The following KAZN variants were observed in gnomAD, a reference collection of about 807,000 sequenced individuals.
KAZN encodes the protein kazrin.
A neutral mutation model predicts 87.4 loss-of-function variants in KAZN; 40 were observed. The observed-to-expected ratio is 0.46, with a 90% CI of 0.36 to 0.60. KAZN has a LOEUF of 0.60. Ranked by LOEUF, KAZN falls within the 20% of genes least tolerant of loss-of-function variation. The probability of loss-of-function intolerance (pLI) is 0.00; values close to 1 mark genes in which losing one functional copy is unlikely to be tolerated. For synonymous variants in KAZN, 466 were observed against 458.3 expected (o/e 1.02, Z -0.22); for missense variants, 898 against 1,073.9 (o/e 0.84, Z 2.29).
chr1:14,514,613 A>ATTTTT, intron 2 of KAZN, among the ~76,000 whole-genome samples: 1 of 46,154 alleles, frequency 2.2e-5, no homozygotes, highest in South Asian at 6.3e-4. Context: ...ATATATATAT[A>ATTTTT]TATATATATA....
intron 2 of KAZN, among the ~76,000 whole-genome samples, chr1:14,995,868 T>G (rs1667811829): frequency 1.3e-5 from 2 of 152,134 alleles, no homozygotes; most frequent in South Asian, 4.1e-4. Flanking sequence ...TTTTCTTGAG[T>G]CTGCTTGGGG....
intron 1 of KAZN, among the ~76,000 whole-genome samples, chr1:14,797,935 C>A (rs1428514023): frequency 6.6e-6 from 1 of 152,220 alleles, no homozygotes; most frequent in African/African-American, 2.4e-5. Context: ...CACGATGTGC[C>A]AAGGAACCCT....
intron 1 of KAZN, among the ~76,000 whole-genome samples, chr1:14,883,355 A>AAAGGAAAGAAAGAAAGAAAG (rs1449958306): frequency 9.7e-5 from 2 of 20,600 alleles, no homozygotes; most frequent in African/African-American, 3.1e-4. Flanking sequence ...AGAAAGAAAG[A>AAAGGAAAGAAAGAAAGAAAG]AAAGAAAGAA....
upstream of KAZN, among the ~76,000 whole-genome samples, chr1:14,595,695 A>AG (rs1289336034): frequency 6.7e-6 from 1 of 149,112 alleles, no homozygotes; most frequent in Non-Finnish European, 1.5e-5. Context: ...AAAAAAAAAA[A>AG]AAAGAAAAAG....
In KAZN at chr1:14,637,231, G is replaced by A. The variant is rs537838181; in HGVS notation, c.226+38008G>A. 3.9e-4 allele frequency among the ~76,000 whole-genome samples: 60 copies of A among 152,174 alleles called. 2 individuals are homozygous for A. Among genetic ancestry groups the A allele is most frequent in the Non-Finnish European group, 1.3e-4 (9 of 68,032 alleles). ...GGGGTGATGTAAATGGGAATGATGG[G>A]CAGAGGCACACTGTTGACATCATGG... is the stretch of plus-strand genomic sequence containing the variant. On this transcript the variant is annotated intron_variant, in intron 1 of 14. Transcript: ENST00000376030.
intron 1 of KAZN, among the ~76,000 whole-genome samples, chr1:14,890,360 C>A (rs1156976388): frequency 6.6e-6 from 1 of 152,208 alleles, no homozygotes; most frequent in South Asian, 2.1e-4. Flanking sequence ...GAGAATGGCA[C>A]GCAGACCCAG....
chr1:15,038,276 A>T (rs995969905), intron 3 of KAZN, among the ~76,000 whole-genome samples: 7 of 152,194 alleles, frequency 4.6e-5, no homozygotes, highest in Non-Finnish European at 1.0e-4. Flanking sequence ...GAAAGAAAAA[A>T]AAAAGCAAGA....
intron 1 of KAZN, among the ~76,000 whole-genome samples, chr1:14,046,422 C>G (rs1642075793): frequency 1.8e-5 from 1 of 55,364 alleles, no homozygotes; most frequent in Non-Finnish European, 3.2e-5. Context: ...ATTACCAGAG[C>G]AAAGCAAAAC....
chr1:14,420,675 A>G (rs1023804206), intron 2 of KAZN, among the ~76,000 whole-genome samples: 1 of 152,110 alleles, frequency 6.6e-6, no homozygotes, highest in African/African-American at 2.4e-5. Context: ...GCCTGGCGAG[A>G]ATTCGAGTGC....
chr1:14,513,707 C>T lies in KAZN; in HGVS notation c.250-85276C>T, dbSNP rs187979040. Among the ~76,000 whole-genome samples, 11 of 152,134 alleles carry T rather than the reference C, an allele frequency of 7.2e-5. No homozygotes were observed. The East Asian group carries it at 1.5e-3, about 21-fold the overall frequency. On this transcript the variant is annotated intron_variant, in intron 2 of 16. Coordinates refer to the KAZN transcript ENST00000636203. Reference sequence around the variant, plus strand: ...CATAGTAAGCATTTTAAAATTGGGACCTTATTTCAACTTTACATCCTAAAA... The same window carrying T: ...CATAGTAAGCATTTTAAAATTGGGATCTTATTTCAACTTTACATCCTAAAA...
At chr1:14,765,259 T>C (rs941295055) in intron 1 of KAZN, among the ~76,000 whole-genome samples, 6 of 152,216 alleles carry the variant, frequency 3.9e-5, no homozygotes, top group African/African-American at 1.4e-4. Context: ...AAGTACCTCC[T>C]TGGAGACAAG....
chr1:14,520,560 TCCTC>T (rs1557774053), intron 2 of KAZN, among the ~76,000 whole-genome samples: 1 of 152,056 alleles, frequency 6.6e-6, no homozygotes, highest in Non-Finnish European at 1.5e-5. Context: ...CCAAGAGAGC[TCCTC>T]TGACTTCCTG....
At chr1:14,928,487 T>A (rs2101555221) in intron 1 of KAZN, among the ~76,000 whole-genome samples, 1 of 152,170 alleles carries the variant, frequency 6.6e-6, no homozygotes, top group East Asian at 1.9e-4. Flanking sequence ...ACCCACATTG[T>A]TTCTGGTCTC....
At chr1:14,880,855 C>T (rs1275798274) in intron 1 of KAZN, among the ~76,000 whole-genome samples, 1 of 152,190 alleles carries the variant, frequency 6.6e-6, no homozygotes, top group Admixed American at 6.5e-5. Context: ...CATCTGCTGT[C>T]CTATACTGGT....
chr1:14,457,764 G>A (rs9429253), intron 2 of KAZN, among the ~76,000 whole-genome samples: 5,084 of 151,190 alleles, frequency 0.034, 120 homozygotes, highest in African/African-American at 0.071. Flanking sequence ...TAATTACAGC[G>A]TTTTTAAATT....
At chr1:15,007,070 A>AG (rs1489761169) in intron 2 of KAZN, among the ~76,000 whole-genome samples, 14 of 150,860 alleles carry the variant, frequency 9.3e-5, no homozygotes, top group East Asian at 1.9e-4. Flanking sequence ...AAAAAAAAAA[A>AG]AAAAAAAGAA....
At chr1:14,284,093 G>GT (rs901749060) in intron 2 of KAZN, among the ~76,000 whole-genome samples, 1 of 151,790 alleles carries the variant, frequency 6.6e-6, no homozygotes, top group African/African-American at 2.4e-5. Context: ...ACTGCCTAGG[G>GT]TGGGGATGGG....
At chr1:14,884,285 G>A (rs1420219619) in intron 1 of KAZN, among the ~76,000 whole-genome samples, 4 of 152,018 alleles carry the variant, frequency 2.6e-5, no homozygotes, top group African/African-American at 4.8e-5. Context: ...CCAGCTACTC[G>A]GGAGGCTGAG....
At chr1:14,261,509 C>G (rs1651014010) in intron 2 of KAZN, among the ~76,000 whole-genome samples, 3 of 152,190 alleles carry the variant, frequency 2.0e-5, no homozygotes, top group Admixed American at 2.0e-4. Flanking sequence ...TATTGATTTT[C>G]TGCGTGGCCT....
Sources: gnomAD v4.1 joint callset for allele counts (sites outside exome capture counted in the v4.1 genomes callset) on GRCh38, gnomAD v4.1.1 for gene constraint, MANE v1.5 for transcripts, NCBI Gene and HGNC (gene_info 2026-07-23, HGNC 2026-07-21) for gene names.